Variants in UNC13B observed in about 807,000 individuals in gnomAD.
The protein encoded by UNC13B is protein unc-13 homolog B.
A neutral mutation model predicts 211.0 loss-of-function variants in UNC13B; 144 were observed. The ratio of observed to expected loss-of-function variants is 0.68; its 90% CI spans 0.60 to 0.78. The LOEUF (loss-of-function observed/expected upper bound fraction) is 0.78, where lower values mean the gene tolerates loss of function less well. Among genes scored for constraint, UNC13B ranks in the 30% least tolerant of loss-of-function variants. UNC13B has a pLI of 0.00. For synonymous variants in UNC13B, 709 were observed against 725.8 expected, an observed-to-expected ratio of 0.98 and a Z score of 0.37; for missense variants, 1,777 against 2,002.0, an observed-to-expected ratio of 0.89 and a Z score of 2.14.
At chr9:35,314,874 CTTTTTTTT>C (rs765803997) in intron 11 of UNC13B, among the ~76,000 whole-genome samples, 3 of 57,760 alleles carry the variant, frequency 5.2e-5, no homozygotes, top group Non-Finnish European at 9.6e-5. Flanking sequence ...GATTCCGTAT[CTTTTTTTT>C]TTTTTTTTTT....
intron 1 of UNC13B, among the ~76,000 whole-genome samples, chr9:35,203,932 G>T (rs1290870016): frequency 6.6e-6 from 1 of 152,250 alleles, no homozygotes; most frequent in East Asian, 1.9e-4. Flanking sequence ...GACCTTGAAG[G>T]CGTTTCAGAG....
chr9:35,257,356 TA>T (rs1826960887), intron 6 of UNC13B, among the ~76,000 whole-genome samples: 2 of 3,600 alleles, frequency 5.6e-4, no homozygotes, highest in Admixed American at 9.6e-3. Flanking sequence ...TAAAAATATT[TA>T]TATAAATATT....
intron 11 of UNC13B, chr9:35,341,704 A>T (rs188950569): frequency 2.8e-4 from 43 of 153,142 alleles, no homozygotes; most frequent in Admixed American, 2.7e-3. Flanking sequence ...AGCAAAAGGG[A>T]GAGACACTTA....
chr9:35,220,093 G>T (rs909770604), intron 1 of UNC13B, among the ~76,000 whole-genome samples: 3 of 151,716 alleles, frequency 2.0e-5, no homozygotes, highest in African/African-American at 7.3e-5. Context: ...TGTTTATGCA[G>T]GTATAAGCAA....
intron 7 of UNC13B, among the ~76,000 whole-genome samples, chr9:35,260,458 A>G (rs920015010): frequency 6.6e-6 from 1 of 152,184 alleles, no homozygotes; most frequent in African/African-American, 2.4e-5. Context: ...AGAAAATCTG[A>G]CTTAGTAGCT....
intron 3 of UNC13B, among the ~76,000 whole-genome samples, chr9:35,232,535 G>T (rs1285757925): frequency 2.0e-5 from 3 of 151,912 alleles, no homozygotes; most frequent in Non-Finnish European, 4.4e-5. Flanking sequence ...AAGATTATAA[G>T]GTTTTGGGCT....
intron 7 of UNC13B, among the ~76,000 whole-genome samples, chr9:35,261,989 G>A (rs1827300841): frequency 1.3e-5 from 2 of 152,014 alleles, no homozygotes; most frequent in South Asian, 4.1e-4. Flanking sequence ...GTACTACATT[G>A]TGTTTATGTA....
At chr9:35,381,310 C>T in intron 19 of UNC13B, 95 bp downstream of exon 19, 6 of 1,163,756 alleles carry the variant, frequency 5.2e-6, no homozygotes, top group Non-Finnish European at 7.3e-6. Context: ...AATCCGAGGC[C>T]CATTTTAAAT....
rs1165085781 is a variant in UNC13B at position 35,313,645 on chromosome 9, TAAATAAATAAATAAATAAA to T, written c.9324-253_9324-235del. Among the ~76,000 whole-genome samples, 18 of 148,274 alleles carry T rather than the reference TAAATAAATAAATAAATAAA, an allele frequency of 1.2e-4. No individual in the cohort carries two copies. The East Asian group carries it at 3.0e-3, about 24-fold the overall frequency. ...GTCTCAAAATAAATAAATAAATAAA[TAAATAAATAAATAAATAAA>T]TAAATAAATAAAAGAGGGAACAGAT... On this transcript the variant is annotated intron_variant, in intron 10 of 39. Coordinates refer to ENST00000635942, the MANE Select transcript of UNC13B (RefSeq NM_001371189.2).
At position 35,261,544 on chromosome 9, in the gene UNC13B, A is replaced by G. The variant is rs574403460; in HGVS notation, c.526+2494A>G. 1.2e-4 allele frequency among the ~76,000 whole-genome samples: 18 copies of G among 152,268 alleles called. No individual in the cohort carries two copies. In the East Asian group the frequency reaches 2.9e-3, roughly 24 times the overall value. ...TACATGAGTATTTTGATACGGGCATACAATATGTAATAATCACATCAAGGT... is the reference window on the plus strand; with the variant it reads ...TACATGAGTATTTTGATACGGGCATGCAATATGTAATAATCACATCAAGGT... On this transcript the variant is annotated intron_variant, in intron 7 of 39. Coordinates refer to ENST00000635942, the MANE Select transcript of UNC13B (RefSeq NM_001371189.2).
At chr9:35,208,310 A>G (rs1457736131) in intron 1 of UNC13B, among the ~76,000 whole-genome samples, 1 of 152,192 alleles carries the variant, frequency 6.6e-6, no homozygotes, top group Non-Finnish European at 1.5e-5. Context: ...CCCTTCTTGG[A>G]ACATTCAGTG....
chr9:35,358,690 A>ATTTTTT (rs918370577), intron 11 of UNC13B, among the ~76,000 whole-genome samples: 2 of 108,702 alleles, frequency 1.8e-5, no homozygotes, highest in Admixed American at 8.9e-5. Context: ...TAGGTCTATG[A>ATTTTTT]TTTTTTTTTT....
chr9:35,352,008 C>T, intron 11 of UNC13B: 13 of 1,232,266 alleles, frequency 1.1e-5, no homozygotes, highest in Non-Finnish European at 1.3e-5. Flanking sequence ...ACTGAGATTG[C>T]TGAGCTGCAG....
At chr9:35,272,130 T>C (rs1446295817) in intron 7 of UNC13B, among the ~76,000 whole-genome samples, 3 of 151,956 alleles carry the variant, frequency 2.0e-5, no homozygotes, top group African/African-American at 7.2e-5. Context: ...GATCCTAACC[T>C]GATTAAGATG....
intron 36 of UNC13B, 84 bp downstream of exon 36, chr9:35,399,813 T>C (rs1173245278): frequency 5.1e-6 from 7 of 1,377,038 alleles, no homozygotes; most frequent in Middle Eastern, 2.1e-4. Flanking sequence ...CAGGTGTCCC[T>C]CCAATTCTTA....
intron 31 of UNC13B, 35 bp downstream of exon 31, chr9:35,398,323 C>T (rs1836025219): frequency 2.5e-6 from 4 of 1,597,772 alleles, no homozygotes; most frequent in African/African-American, 1.3e-5. Flanking sequence ...CTGTATTTTC[C>T]CTTTATTCCT....
At chr9:35,228,186 A>G in intron 2 of UNC13B, 142 bp downstream of exon 2, 1 of 810,282 alleles carries the variant, frequency 1.2e-6, no homozygotes, top group Non-Finnish European at 1.9e-6. Flanking sequence ...TCATTAATCT[A>G]GTGAAAAATT....
intron 1 of UNC13B, among the ~76,000 whole-genome samples, chr9:35,176,974 C>T (rs998069171): frequency 8.5e-5 from 13 of 152,142 alleles, no homozygotes; most frequent in African/African-American, 3.1e-4. Flanking sequence ...GCCAATATTC[C>T]AAGAGAAAGG....
intron 7 of UNC13B, among the ~76,000 whole-genome samples, chr9:35,274,796 T>C (rs1054608049): frequency 6.6e-6 from 1 of 152,134 alleles, no homozygotes; most frequent in Non-Finnish European, 1.5e-5. Context: ...GTGAGTGGGC[T>C]ATTTAGTCCC....
Sources: gnomAD v4.1 joint callset for allele counts (sites outside exome capture counted in the v4.1 genomes callset) on GRCh38, gnomAD v4.1.1 for gene constraint, MANE v1.5 for transcripts, NCBI Gene and HGNC (gene_info 2026-07-23, HGNC 2026-07-21) for gene names.